ZNF853: variants seen among roughly 807,000 people sequenced by gnomAD.
The protein encoded by ZNF853 is zinc finger protein 853.
A neutral mutation model predicts 94.7 loss-of-function variants in ZNF853; 57 were observed. That is an observed-to-expected ratio of 0.60 (90% CI 0.49 to 0.75). ZNF853 has a LOEUF of 0.75. Ranked by LOEUF, ZNF853 falls within the 30% of genes least tolerant of loss-of-function variation. The pLI is 0.00. For missense variants in ZNF853, 785 were observed against 868.9 expected, an observed-to-expected ratio of 0.90 and a Z score of 1.21; for synonymous variants, 448 against 406.3, an observed-to-expected ratio of 1.10 and a Z score of -1.23.
chr7:6,617,765 C>T, intron 2 of ZNF853: 1 of 430,538 alleles, frequency 2.3e-6, no homozygotes, highest in African/African-American at 2.2e-5. Context: ...AGCTTGACCT[C>T]TGCTTGCATC....
intron 1 of ZNF853, among the ~76,000 whole-genome samples, chr7:6,616,956 C>G: frequency 5.9e-5 from 9 of 152,116 alleles, no homozygotes; most frequent in African/African-American, 2.2e-4. Flanking sequence ...AGTCCTGCCT[C>G]TATGCAGGTG....
chr7:6,621,599 T>TGTTACAGCAACAGCAGGAACA lies in ZNF853; in HGVS notation c.618_638dup (p.Glu209_Gln215dup), dbSNP rs1389077260. 6.4e-7 allele frequency: 1 copy of TGTTACAGCAACAGCAGGAACA among 1,550,976 alleles called. No homozygotes were observed. The highest frequency in any genetic ancestry group is 8.7e-7 in the Non-Finnish European group (1 of 1,146,692). ...CAGCAGCAAGTGCAAGAGCAACAGC[T>TGTTACAGCAACAGCAGGAACA]GTTACAGCAACAGCAGGAACAGTTA... On this transcript the variant is annotated inframe_insertion, in exon 3 of 3. Transcript: ENST00000457543.
chr7:6,616,666 C>T, intron 1 of ZNF853, among the ~76,000 whole-genome samples: 1 of 150,870 alleles, frequency 6.6e-6, no homozygotes, highest in Non-Finnish European at 1.5e-5. Context: ...ACTGGGGAGA[C>T]GGAGGTTGCA....
chr7:6,623,584 C>T lies in ZNF853; in HGVS notation c.*613C>T, dbSNP rs142178357. ...ATCAACACAGGGTCAGAGCGCTCAC[C>T]GGGTCGATGTGCAAATCCAAGCCAG... On this transcript the variant is annotated 3_prime_UTR_variant, in exon 3 of 3. Coordinates refer to ENST00000457543, the MANE Select transcript of ZNF853 (RefSeq NM_017560.3). The T allele has an allele frequency of 2.8e-4, 104 of 367,418 alleles. No individual in the cohort carries two copies. Among genetic ancestry groups the T allele is most frequent in the Non-Finnish European group, 4.4e-4 (91 of 206,788 alleles). 22.8% of individuals were successfully genotyped at this position (367,418 alleles called of 1,614,324 possible). A position where few individuals can be genotyped will look rare whatever the true frequency, so the allele number is the denominator to read the frequency against.
At chr7:6,619,969 T>G in intron 2 of ZNF853, among the ~76,000 whole-genome samples, 6 of 152,198 alleles carry the variant, frequency 3.9e-5, no homozygotes, top group Admixed American at 2.0e-4. Flanking sequence ...CCCAGTCTCC[T>G]TGGTATTTTT....
At position 6,622,616 on chromosome 7, in the gene ZNF853, C is replaced by T; in HGVS notation, c.1625C>T (p.Ala542Val). The change falls in exon 3 of 3, where the codon GCC (alanine) becomes GTC (valine). Residue 542 changes from alanine (A) to valine (V), a missense_variant. By Grantham distance (64) the Ala-to-Val change is moderately conservative. Coordinates refer to ENST00000457543, the MANE Select transcript of ZNF853 (RefSeq NM_017560.3). ...QRIHTGEKPYACSYCAKRFSE... is the reference protein window; with the variant it reads ...QRIHTGEKPYVCSYCAKRFSE... ...ATCCACACGGGCGAGAAACCCTACG[C>T]CTGCTCCTACTGCGCCAAGCGCTTC... 6.3e-7 allele frequency: 1 copy of T among 1,582,200 alleles called. No individual in the cohort carries two copies. The highest frequency in any genetic ancestry group is 8.6e-7 in the Non-Finnish European group (1 of 1,165,140).
At chr7:6,617,732 G>A in intron 2 of ZNF853, 1 of 786,810 alleles carries the variant, frequency 1.3e-6, no homozygotes, top group Non-Finnish European at 1.5e-6. Flanking sequence ...TCTCCCCTGT[G>A]GCCTCGTAAC....
In ZNF853 at chr7:6,622,690, C is replaced by A; in HGVS notation, c.1699C>A (p.Arg567=). The A allele has an allele frequency of 1.3e-6, 2 of 1,576,452 alleles. No homozygotes were observed. Among genetic ancestry groups the A allele is most frequent in the Non-Finnish European group, 1.7e-6 (2 of 1,162,822 alleles). ...VQHQRTHTGE[R]PYACGDCGKR... ...GCACCAGCGCACGCACACCGGGGAGCGACCCTACGCCTGCGGGGACTGTGG... is the reference window on the plus strand; with the variant it reads ...GCACCAGCGCACGCACACCGGGGAGAGACCCTACGCCTGCGGGGACTGTGG... The change falls in exon 3 of 3, where the codon CGA becomes AGA. Residue 567 remains arginine, a synonymous_variant. Transcript: ENST00000457543.
At position 6,617,315 on chromosome 7, in the gene ZNF853, C is replaced by A; in HGVS notation, c.130+8C>A. 4.9e-5 allele frequency: 71 copies of A among 1,444,714 alleles called. No homozygotes were observed. Among genetic ancestry groups the A allele is most frequent in the Non-Finnish European group, 6.5e-5 (71 of 1,090,000 alleles). 89.5% of individuals were successfully genotyped at this position (1,444,714 alleles called of 1,614,324 possible). A position where few individuals can be genotyped will look rare whatever the true frequency, so the allele number is the denominator to read the frequency against. On this transcript the variant is annotated splice_region_variant and intron_variant, in intron 2 of 2. Transcript: ENST00000457543. Reference sequence around the variant, plus strand: ...GGCCTGACACCCTCTCAGGTGAGGGCCTCGGGGGATCCCTTGACAGAGCCT... The same window carrying A: ...GGCCTGACACCCTCTCAGGTGAGGGACTCGGGGGATCCCTTGACAGAGCCT...
Position 6,621,432 on chromosome 7 carries a change from A to G in ZNF853, c.441A>G (p.Lys147=). ...KHQSVHHQEL[K]PELQLMHQQQ... is the part of the protein sequence containing the mutation. ...AATCCGTGCACCATCAGGAACTGAA[A>G]CCAGAACTGCAGCTAATGCACCAGC... Residue 147 remains lysine, a synonymous_variant, in exon 3 of 3, where the codon AAA becomes AAG. Transcript: ENST00000457543. 1 of 1,551,760 alleles carries G rather than the reference A, an allele frequency of 6.4e-7. No homozygotes were observed. The highest frequency in any genetic ancestry group is 8.7e-7 in the Non-Finnish European group (1 of 1,146,992).
rs1583425882 is a variant in ZNF853, at chr7:6,615,886, C to G, written c.-289C>G. ...GTCCCGGGGGGCCGGCCCTGAGCCC[C>G]GCGCGGGATTCGGGGCCCTGCCTCC... is the stretch of plus-strand genomic sequence containing the variant. On this transcript the variant is annotated 5_prime_UTR_variant, in exon 1 of 3. Coordinates refer to ENST00000457543, the MANE Select transcript of ZNF853 (RefSeq NM_017560.3). This position sits in a 1 kb window ranked among gnomAD's most constrained non-coding sequence, Gnocchi z 8.5. 1 of 305,024 alleles carries G rather than the reference C, an allele frequency of 3.3e-6. No homozygotes were observed. The highest frequency in any genetic ancestry group is 6.1e-6 in the Non-Finnish European group (1 of 164,332). 18.9% of individuals were successfully genotyped at this position (305,024 alleles called of 1,614,324 possible).
chr7:6,615,851 G>A lies in ZNF853; in HGVS notation c.-324G>A. 4.8e-6 allele frequency: 1 copy of A among 207,236 alleles called. No homozygotes were observed. The highest frequency in any genetic ancestry group is 9.6e-6 in the Non-Finnish European group (1 of 103,680). 12.8% of individuals were successfully genotyped at this position (207,236 alleles called of 1,614,324 possible). On this transcript the variant is annotated 5_prime_UTR_variant, in exon 1 of 3. Transcript: ENST00000457543. This position sits in a 1 kb window ranked among gnomAD's most constrained non-coding sequence, Gnocchi z 8.5. ...CCCGGGCGCCGGCCTGGATCCCGCT[G>A]CCCGCGATGGTCCCGGGGGGCCGGC... is the stretch of plus-strand genomic sequence containing the variant.
Position 6,621,869 on chromosome 7 carries a change from A to T in ZNF853, c.878A>T (p.Gln293Leu). The T allele has an allele frequency of 3.2e-6, 5 of 1,550,802 alleles. No individual in the cohort carries two copies. Among genetic ancestry groups the T allele is most frequent in the Non-Finnish European group, 4.4e-6 (5 of 1,146,592 alleles). ...QEQLQQQQQQ[Q>L]LLQQQQEQLQ... ...CAGTTACAGCAGCAGCAGCAACAGC[A>T]GCTGTTGCAACAGCAGCAGGAACAA... The change falls in exon 3 of 3, where the codon CAG (glutamine) becomes CTG (leucine). Residue 293 changes from glutamine to leucine, a missense_variant. Physicochemically the swap from Gln to Leu is moderately radical, Grantham distance 113 (BLOSUM62 -2). Coordinates refer to ENST00000457543, the MANE Select transcript of ZNF853 (RefSeq NM_017560.3).
In ZNF853 at chr7:6,622,043, A is replaced by C; in HGVS notation, c.1052A>C (p.Gln351Pro). ...ELERQQELER[Q>P]QEQRQLQLKL... is the part of the protein sequence containing the mutation. Reference sequence around the variant, plus strand: ...GAGCGGCAGCAGGAGCTGGAACGGCAGCAGGAGCAGCGGCAGCTGCAGCTC... The same window carrying C: ...GAGCGGCAGCAGGAGCTGGAACGGCCGCAGGAGCAGCGGCAGCTGCAGCTC... The change falls in exon 3 of 3, where the codon CAG (glutamine) becomes CCG (proline). Residue 351 changes from glutamine to proline, a missense_variant. Gln to Pro is a moderately conservative substitution (Grantham distance 76). Coordinates refer to ENST00000457543, the MANE Select transcript of ZNF853 (RefSeq NM_017560.3). The C allele has an allele frequency of 6.5e-7, 1 of 1,548,256 alleles. No individual in the cohort carries two copies. Among genetic ancestry groups the C allele is most frequent in the Non-Finnish European group, 8.7e-7 (1 of 1,146,432 alleles).
Position 6,623,938 on chromosome 7 carries a change from G to C in ZNF853, c.*967G>C, listed in dbSNP as rs1562572081. The C allele has an allele frequency of 6.6e-6, 1 of 152,456 alleles. No homozygotes were observed. Among genetic ancestry groups the C allele is most frequent in the Non-Finnish European group, 1.5e-5 (1 of 68,218 alleles). 9.4% of individuals were successfully genotyped at this position (152,456 alleles called of 1,614,324 possible). A position where few individuals can be genotyped will look rare whatever the true frequency, so the allele number is the denominator to read the frequency against. On this transcript the variant is annotated 3_prime_UTR_variant, in exon 3 of 3. Coordinates refer to ENST00000457543, the MANE Select transcript of ZNF853 (RefSeq NM_017560.3). Reference sequence around the variant, plus strand: ...ATTTCTCCCGCACCAGGCTGTGGAGGTTTGGAGGGCTGCCTGAGCAGACAC... The same window carrying C: ...ATTTCTCCCGCACCAGGCTGTGGAGCTTTGGAGGGCTGCCTGAGCAGACAC...
chr7:6,621,337 C>G lies in ZNF853; in HGVS notation c.346C>G (p.Leu116Val). The G allele has an allele frequency of 1.9e-6, 3 of 1,551,676 alleles. No homozygotes were observed. Among genetic ancestry groups the G allele is most frequent in the Non-Finnish European group, 2.6e-6 (3 of 1,146,994 alleles). Residue 116 changes from leucine to valine, a missense_variant, in exon 3 of 3, where the codon CTA becomes GTA. Physicochemically the swap from Leu to Val is conservative, Grantham distance 32. Coordinates refer to ENST00000457543, the MANE Select transcript of ZNF853 (RefSeq NM_017560.3). ...HEQLQQPQPHLELQQQPQQDG... is the reference protein window; with the variant it reads ...HEQLQQPQPHVELQQQPQQDG... ...GCAGCTGCAACAGCCGCAGCCACAC[C>G]TAGAACTGCAACAGCAGCCGCAGCA...
intron 2 of ZNF853, among the ~76,000 whole-genome samples, chr7:6,620,043 C>G: frequency 1.3e-5 from 2 of 152,162 alleles, no homozygotes; most frequent in East Asian, 3.9e-4. Context: ...CTACCAGGCT[C>G]CAGGTACTAT....
chr7:6,622,926 G>C lies in ZNF853; in HGVS notation c.1935G>C (p.Ala645=). ...RPAALGGPAR[A]EQAATATAPA... ...CGGCCCTCGGTGGCCCAGCCCGCGC[G>C]GAGCAGGCCGCTACAGCCACTGCGC... The change falls in exon 3 of 3, where the codon GCG becomes GCC. Residue 645 remains alanine (A), a synonymous_variant. Transcript: ENST00000457543. 1 of 1,249,428 alleles carries C rather than the reference G, an allele frequency of 8.0e-7. No homozygotes were observed. Among genetic ancestry groups the C allele is most frequent in the East Asian group, 3.2e-5 (1 of 31,350 alleles). The allele number at this position is 1,249,428 out of a possible 1,614,324, so 77.4% of individuals were successfully genotyped here. A position where few individuals can be genotyped will look rare whatever the true frequency, so the allele number is the denominator to read the frequency against.
chr7:6,622,272 G>T lies in ZNF853; in HGVS notation c.1281G>T (p.Pro427=), dbSNP rs764951368. 15 of 1,503,976 alleles carry T rather than the reference G, an allele frequency of 1.0e-5. No individual in the cohort carries two copies. In the Admixed American group the frequency reaches 2.6e-4, roughly 26 times the overall value. 93.2% of individuals were successfully genotyped at this position (1,503,976 alleles called of 1,614,324 possible). The change falls in exon 3 of 3, where the codon CCG becomes CCT. Residue 427 remains proline (P), a synonymous_variant. Coordinates refer to ENST00000457543, the MANE Select transcript of ZNF853 (RefSeq NM_017560.3). ...CAGGGGGCGGCGGAGCGGCGGTCCC[G>T]GGGGCTCCGGCCGCGGTCGTGGTGG... The part of the protein sequence containing the change: ...PAAGGGGAAV[P]GAPAAVVVAP...
Sources: gnomAD v4.1 joint callset for allele counts (sites outside exome capture counted in the v4.1 genomes callset) on GRCh38, gnomAD v4.1.1 for gene constraint, Gnocchi (gnomAD v3.1) non-coding constraint, MANE v1.5 for transcripts, NCBI Gene and HGNC (gene_info 2026-07-23, HGNC 2026-07-21) for gene names.